PRICKLE1: variants seen among roughly 807,000 people sequenced by gnomAD.
PRICKLE1 encodes the protein prickle planar cell polarity protein 1.
A neutral mutation model predicts 70.2 loss-of-function variants in PRICKLE1; 14 were observed. The ratio of observed to expected loss-of-function variants is 0.20; its 90% confidence interval spans 0.13 to 0.31. The LOEUF (loss-of-function observed/expected upper bound fraction) is 0.31, where lower values mean the gene tolerates loss of function less well. Ranked by LOEUF, PRICKLE1 falls within the 10% of genes least tolerant of loss-of-function variation. The pLI is 1.00. For synonymous variants in PRICKLE1, 357 were observed against 379.9 expected, an observed-to-expected ratio of 0.94 and a Z score of 0.70; for missense variants, 821 against 1,026.2, an observed-to-expected ratio of 0.80 and a Z score of 2.73.
chr12:42,499,324 G>A (rs1304835977), intron 1 of PRICKLE1, among the ~76,000 whole-genome samples: 2 of 152,054 alleles, frequency 1.3e-5, no homozygotes, highest in Non-Finnish European at 2.9e-5. Context: ...ATGACTATTT[G>A]TTTTTAAAGT....
At chr12:42,504,862 G>A (rs1939378962) in intron 1 of PRICKLE1, among the ~76,000 whole-genome samples, 1 of 152,092 alleles carries the variant, frequency 6.6e-6, no homozygotes, top group South Asian at 2.1e-4. Flanking sequence ...TGGTCACTTA[G>A]CTGGGCACGG....
chr12:42,476,202 T>C (rs1938524720), intron 1 of PRICKLE1, among the ~76,000 whole-genome samples: 1 of 151,542 alleles, frequency 6.6e-6, no homozygotes, highest in South Asian at 2.1e-4. Context: ...TCTTTTTTTT[T>C]TTTGAGTTTT....
At chr12:42,544,760 C>T (rs78700216) in intron 1 of PRICKLE1, among the ~76,000 whole-genome samples, 8 of 152,144 alleles carry the variant, frequency 5.3e-5, no homozygotes, top group African/African-American at 1.7e-4. Flanking sequence ...AGTCTTACAA[C>T]AGAAATGGTA....
At chr12:42,497,208 A>G (rs1195809928) in intron 1 of PRICKLE1, among the ~76,000 whole-genome samples, 1 of 152,138 alleles carries the variant, frequency 6.6e-6, no homozygotes, top group African/African-American at 2.4e-5. Context: ...AGGAGGAGAA[A>G]GATGAGGGAA....
chr12:42,475,352 T>C (rs1938481010), intron 1 of PRICKLE1, among the ~76,000 whole-genome samples: 1 of 152,218 alleles, frequency 6.6e-6, no homozygotes, highest in Non-Finnish European at 1.5e-5. Flanking sequence ...ATTTAATCAC[T>C]GCATCAAGCA....
chr12:42,482,943 G>A (rs952018186), intron 1 of PRICKLE1: 2 of 152,170 alleles, frequency 1.3e-5, no homozygotes, highest in African/African-American at 4.8e-5. Context: ...TCCAGGCGGC[G>A]GCCGCTGCTT....
At chr12:42,493,856 T>TAA (rs201413394) in intron 1 of PRICKLE1, among the ~76,000 whole-genome samples, 1 of 80,646 alleles carries the variant, frequency 1.2e-5, no homozygotes. Flanking sequence ...AGACCGTGTC[T>TAA]AAAAAAAAAA....
At chr12:42,495,680 C>A (rs1939186936) in intron 1 of PRICKLE1, among the ~76,000 whole-genome samples, 2 of 152,124 alleles carry the variant, frequency 1.3e-5, no homozygotes, top group South Asian at 4.2e-4. Flanking sequence ...CCTCCGCCTC[C>A]CGGGTTCAAG....
intron 1 of PRICKLE1, among the ~76,000 whole-genome samples, chr12:42,550,654 T>A (rs925081013): frequency 3.9e-5 from 6 of 152,288 alleles, no homozygotes; most frequent in Admixed American, 2.0e-4. Context: ...GCTACTCAGA[T>A]TTATCTAGAA....
intron 1 of PRICKLE1, among the ~76,000 whole-genome samples, chr12:42,558,559 G>A (rs955834701): frequency 1.3e-5 from 2 of 152,238 alleles, no homozygotes; most frequent in Non-Finnish European, 2.9e-5. Flanking sequence ...CTGCTTGCCT[G>A]GGTCCCCCAG....
In PRICKLE1 at chr12:42,459,607, C is replaced by T; in HGVS notation, c.*202G>A. 1.4e-6 allele frequency: 1 copy of T among 690,578 alleles called. No individual in the cohort carries two copies. Among genetic ancestry groups the T allele is most frequent in the South Asian group, 1.8e-5 (1 of 55,664 alleles). 42.8% of individuals were successfully genotyped at this position (690,578 alleles called of 1,614,324 possible). Reference sequence around the variant, plus strand: ...GACAGGCACGAGATGTCACGTCCACCTGGCACCATCCAAAGAGGGTAAATT... The same window carrying T: ...GACAGGCACGAGATGTCACGTCCACTTGGCACCATCCAAAGAGGGTAAATT... On this transcript the variant is annotated 3_prime_UTR_variant, in exon 8 of 8. Transcript: ENST00000345127.
intron 3 of PRICKLE1, chr12:42,469,883 T>A (rs921703138): frequency 7.9e-6 from 4 of 507,968 alleles, no homozygotes; most frequent in Non-Finnish European, 1.4e-5. Context: ...AGGTTTAAAC[T>A]TGTTAATTGC....
chr12:42,459,855 G>A lies in PRICKLE1; in HGVS notation c.2450C>T (p.Ser817Phe), dbSNP rs1937732538. The change falls in exon 8 of 8, where the codon TCC (serine) becomes TTC (phenylalanine). Residue 817 changes from serine to phenylalanine, a missense_variant. Physicochemically the swap from Ser to Phe is radical, Grantham distance 155. Coordinates refer to ENST00000345127, the MANE Select transcript of PRICKLE1 (RefSeq NM_153026.3). Reference protein sequence around the residue: ...TPQFGQRTTKSKKKKGHKGKN... With the variant: ...TPQFGQRTTKFKKKKGHKGKN... ...GCCCTTGTGTCCCTTTTTCTTCTTG[G>A]ATTTTGTTGTCCTCTGACCAAACTG... is the stretch of plus-strand genomic sequence containing the variant. The A allele has an allele frequency of 1.2e-6, 2 of 1,613,984 alleles. No individual in the cohort carries two copies. The highest frequency in any genetic ancestry group is 3.3e-5 in the Admixed American group (2 of 59,986).
chr12:42,477,955 CTTTTTTTT>C (rs35905569), intron 1 of PRICKLE1, among the ~76,000 whole-genome samples: 1 of 133,136 alleles, frequency 7.5e-6, no homozygotes, highest in East Asian at 2.2e-4. Context: ...CTGCCCTATA[CTTTTTTTT>C]TTTTTTTTTT....
intron 1 of PRICKLE1, among the ~76,000 whole-genome samples, chr12:42,586,308 G>A (rs1040132516): frequency 1.3e-5 from 2 of 152,142 alleles, no homozygotes; most frequent in Admixed American, 6.5e-5. Flanking sequence ...TTTTTTCCAA[G>A]GGGGAAGAGT....
intron 1 of PRICKLE1, among the ~76,000 whole-genome samples, chr12:42,582,525 CATATT>C (rs1465229257): frequency 6.6e-6 from 1 of 152,204 alleles, no homozygotes; most frequent in Non-Finnish European, 1.5e-5. Context: ...ACTGAACATA[CATATT>C]AATTTCATAG....
intron 1 of PRICKLE1, among the ~76,000 whole-genome samples, chr12:42,569,847 C>T (rs1046102758): frequency 1.3e-5 from 2 of 152,144 alleles, no homozygotes; most frequent in Non-Finnish European, 2.9e-5. Context: ...AAATTCTGCT[C>T]GGGATGGTAA....
intron 1 of PRICKLE1, among the ~76,000 whole-genome samples, chr12:42,543,175 GC>G (rs1940146763): frequency 6.6e-6 from 1 of 152,148 alleles, no homozygotes; most frequent in Non-Finnish European, 1.5e-5. Context: ...AGCCCAAGGT[GC>G]TTTGTTACAG....
rs530989674 is a variant in PRICKLE1, at chr12:42,522,005, C to T, written c.-48-49441G>A. 1.0e-4 allele frequency among the ~76,000 whole-genome samples: 14 copies of T among 139,964 alleles called. No homozygotes were observed. The South Asian group carries it at 1.3e-3, about 13-fold the overall frequency. The allele number at this position is 139,964 out of a possible 152,430, so 91.8% of individuals were successfully genotyped here. A position where few individuals can be genotyped will look rare whatever the true frequency, so the allele number is the denominator to read the frequency against. ...TTTTTTTTTTTTTTTGACAGAGTTT[C>T]GCTCTTGTTGCCCAGGCTAGAGTGC... On this transcript the variant is annotated intron_variant, in intron 1 of 7. Transcript: ENST00000345127.
Sources: gnomAD v4.1 joint callset for allele counts (sites outside exome capture counted in the v4.1 genomes callset) on GRCh38, gnomAD v4.1.1 for gene constraint, MANE v1.5 for transcripts, NCBI Gene and HGNC (gene_info 2026-07-23, HGNC 2026-07-21) for gene names.